The following CD247 variants were observed in gnomAD, a reference collection of about 807,000 sequenced individuals.
CD247 encodes the protein T-cell surface glycoprotein CD3 zeta chain.
Under a neutral mutation model 30.0 loss-of-function variants are expected in CD247, and 13 were observed. That is an observed-to-expected ratio of 0.43 (90% CI 0.28 to 0.69). The LOEUF is 0.69. Ranked by LOEUF, CD247 falls within the 30% of genes least tolerant of loss-of-function variation. The probability of loss-of-function intolerance (pLI) is 0.16; values close to 1 mark genes in which losing one functional copy is unlikely to be tolerated. For synonymous variants in CD247, 72 were observed against 80.0 expected, an observed-to-expected ratio of 0.90 and a Z score of 0.53; for missense variants, 193 against 212.6, an observed-to-expected ratio of 0.91 and a Z score of 0.57.
intron 1 of CD247, among the ~76,000 whole-genome samples, chr1:167,480,285 T>C (rs1653924676): frequency 6.6e-6 from 1 of 151,870 alleles, no homozygotes; most frequent in East Asian, 1.9e-4. Flanking sequence ...TGGGAAACCG[T>C]TTAGAAAGTG....
chr1:167,464,697 G>T (rs868861569), intron 1 of CD247, among the ~76,000 whole-genome samples: 1 of 152,184 alleles, frequency 6.6e-6, no homozygotes, highest in Admixed American at 6.5e-5. Context: ...GTACAAAAAG[G>T]ATCTACAGAG....
chr1:167,485,453 C>T (rs1282621291), intron 1 of CD247, among the ~76,000 whole-genome samples: 1 of 152,072 alleles, frequency 6.6e-6, no homozygotes, highest in East Asian at 1.9e-4. Context: ...TGGGGAAGCT[C>T]CCATCTTGGA....
At chr1:167,517,464 T>G (rs574705319) in intron 1 of CD247, among the ~76,000 whole-genome samples, 1 of 152,336 alleles carries the variant, frequency 6.6e-6, no homozygotes, top group East Asian at 1.9e-4. Flanking sequence ...CCTGAGCAGT[T>G]TGTCCTGTCC....
chr1:167,439,502 C>T, intron 2 of CD247, 102 bp from the exon 3 acceptor site: 1 of 994,482 alleles, frequency 1.0e-6, no homozygotes, highest in Non-Finnish European at 1.6e-6. Context: ...CTACTCCGCT[C>T]CTTGGCAACT....
At chr1:167,514,939 T>C (rs1655537757) in intron 1 of CD247, among the ~76,000 whole-genome samples, 1 of 152,154 alleles carries the variant, frequency 6.6e-6, no homozygotes, top group Non-Finnish European at 1.5e-5. Flanking sequence ...ATTACATGTA[T>C]TTTTTTAAAG....
intron 1 of CD247, among the ~76,000 whole-genome samples, chr1:167,493,263 G>A (rs563629880): frequency 2.0e-5 from 3 of 151,924 alleles, no homozygotes; most frequent in South Asian, 2.1e-4. Context: ...GGCTGGTCTC[G>A]AACTCCTGAC....
intron 1 of CD247, among the ~76,000 whole-genome samples, chr1:167,463,380 C>T (rs1372753748): frequency 6.6e-6 from 1 of 152,202 alleles, no homozygotes; most frequent in African/African-American, 2.4e-5. Context: ...TCCTGCCTCC[C>T]TTCTGACTTC....
At chr1:167,464,690 C>T (rs1283456692) in intron 1 of CD247, among the ~76,000 whole-genome samples, 2 of 152,128 alleles carry the variant, frequency 1.3e-5, no homozygotes, top group African/African-American at 4.8e-5. Context: ...AAGAGGGGTA[C>T]AAAAAGGATC....
At chr1:167,458,966 T>C (rs1261269340) in intron 1 of CD247, among the ~76,000 whole-genome samples, 4 of 147,070 alleles carry the variant, frequency 2.7e-5, no homozygotes, top group South Asian at 2.1e-4. Context: ...CTACTAAAAA[T>C]ACAAAAAAAA....
chr1:167,437,399 C>T (rs1388037210), intron 4 of CD247, among the ~76,000 whole-genome samples: 2 of 94,864 alleles, frequency 2.1e-5, no homozygotes, highest in Non-Finnish European at 4.4e-5. Context: ...AAGCTAAACG[C>T]TGTCTCAAAA....
intron 1 of CD247, among the ~76,000 whole-genome samples, chr1:167,478,348 C>T (rs1653838102): frequency 6.6e-6 from 1 of 152,198 alleles, no homozygotes. Flanking sequence ...CCTAACATGG[C>T]AAAGGGCCTT....
Position 167,442,068 on chromosome 1 carries a change from G to A in CD247, c.59-1301C>T, listed in dbSNP as rs140018209. 3.9e-5 allele frequency among the ~76,000 whole-genome samples: 6 copies of A among 152,290 alleles called. No individual in the cohort carries two copies. The East Asian group carries it at 7.7e-4, about 20-fold the overall frequency. On this transcript the variant is annotated intron_variant, in intron 1 of 7. Transcript: ENST00000362089. ...AGAGGTTGCAGTGAGCCGAGATCACGCCACTGCACTTCAGCCTGGCACACA... is the reference window on the plus strand; with the variant it reads ...AGAGGTTGCAGTGAGCCGAGATCACACCACTGCACTTCAGCCTGGCACACA...
intron 1 of CD247, among the ~76,000 whole-genome samples, chr1:167,513,670 A>G (rs909349226): frequency 6.6e-6 from 1 of 152,186 alleles, no homozygotes; most frequent in African/African-American, 2.4e-5. Flanking sequence ...TCATTAGTTA[A>G]CAATCTCCAA....
intron 1 of CD247, among the ~76,000 whole-genome samples, chr1:167,476,457 A>G (rs891103748): frequency 6.6e-6 from 1 of 152,164 alleles, no homozygotes; most frequent in African/African-American, 2.4e-5. Flanking sequence ...AATTCACAGG[A>G]TTTTTGTGAG....
At chr1:167,447,280 T>C (rs1447809572) in intron 1 of CD247, among the ~76,000 whole-genome samples, 1 of 152,198 alleles carries the variant, frequency 6.6e-6, no homozygotes, top group African/African-American at 2.4e-5. Flanking sequence ...GTGCATCTGA[T>C]GCAAAGTCCC....
chr1:167,437,298 G>A (rs563633200), intron 4 of CD247, among the ~76,000 whole-genome samples: 9 of 152,134 alleles, frequency 5.9e-5, no homozygotes, highest in South Asian at 2.1e-4. Flanking sequence ...CCAGCTACTC[G>A]GGAGGCTGAG....
intron 5 of CD247, 131 bp from the exon 6 acceptor site, chr1:167,434,207 G>A (rs1317455189): frequency 2.4e-6 from 2 of 816,992 alleles, no homozygotes; most frequent in East Asian, 2.4e-5. Context: ...CACAATCAAG[G>A]CTCCAAACCT....
At chr1:167,495,304 G>GAAT (rs1236331816) in intron 1 of CD247, among the ~76,000 whole-genome samples, 6 of 152,282 alleles carry the variant, frequency 3.9e-5, no homozygotes, top group African/African-American at 1.4e-4. Flanking sequence ...TTGCTGAGAG[G>GAAT]AATAAATGCA....
chr1:167,458,513 G>A (rs928628723), intron 1 of CD247: 4 of 152,252 alleles, frequency 2.6e-5, no homozygotes, highest in African/African-American at 9.7e-5. Flanking sequence ...GCCAGCCAAC[G>A]GCTCACAATG....
Sources: allele counts gnomAD v4.1 joint callset (sites outside exome capture counted in the v4.1 genomes callset), GRCh38; gene constraint gnomAD v4.1.1; transcripts MANE v1.5; gene names NCBI Gene and HGNC (gene_info 2026-07-23, HGNC 2026-07-21).